Variants in USP54 observed in about 807,000 individuals in gnomAD.
USP54 encodes ubiquitin carboxyl-terminal hydrolase 54.
Under a neutral mutation model 170.5 loss-of-function variants are expected in USP54, and 87 were observed. The ratio of observed to expected loss-of-function variants is 0.51; its 90% CI spans 0.43 to 0.61. The LOEUF (loss-of-function observed/expected upper bound fraction) is 0.61. Among genes scored for constraint, USP54 ranks in the 20% least tolerant of loss-of-function variants. The probability of loss-of-function intolerance (pLI) is 0.00; values close to 1 mark genes in which losing one functional copy is unlikely to be tolerated. For missense variants in USP54, 1,786 were observed against 2,047.8 expected, an observed-to-expected ratio of 0.87 and a Z score of 2.47; for synonymous variants, 655 against 742.8, an observed-to-expected ratio of 0.88 and a Z score of 1.92.
chr10:73,602,112 T>A (rs1487921439), intron 1 of USP54, among the ~76,000 whole-genome samples: 1 of 152,234 alleles, frequency 6.6e-6, no homozygotes, highest in Non-Finnish European at 1.5e-5. Context: ...ATGTACTGTA[T>A]GTATTTAGAG....
rs372190656 is a variant in USP54, at chr10:73,507,615, A to C, written c.4052-2189T>G. On this transcript the variant is annotated intron_variant, in intron 20 of 23. Coordinates refer to ENST00000687698, the MANE Select transcript of USP54 (RefSeq NM_001391956.1). ...CTTGAACCCGGGAGGCAGAGGCTGC[A>C]GTGAGTCAACATCACGCCACTGAAC... Among the ~76,000 whole-genome samples the C allele has an allele frequency of 8.4e-5, 12 of 142,736 alleles. No individual in the cohort carries two copies. The East Asian group carries it at 2.6e-3, about 31-fold the overall frequency. 93.6% of individuals were successfully genotyped at this position (142,736 alleles called of 152,430 possible). A position where few individuals can be genotyped will look rare whatever the true frequency, so the allele number is the denominator to read the frequency against.
At chr10:73,599,091 A>C (rs1271326879) in intron 1 of USP54, among the ~76,000 whole-genome samples, 3 of 152,218 alleles carry the variant, frequency 2.0e-5, no homozygotes, top group Non-Finnish European at 4.4e-5. Flanking sequence ...AAAAAATAAA[A>C]TAACCCATGC....
intron 20 of USP54, chr10:73,506,215 C>T (rs917644896): frequency 9.2e-5 from 14 of 152,200 alleles, no homozygotes; most frequent in African/African-American, 3.4e-4. Flanking sequence ...ATTTTCAGTA[C>T]AGTACTCTTA....
In USP54 at chr10:73,539,578, T is replaced by C. The variant is rs1394292902; in HGVS notation, c.841A>G (p.Thr281Ala). The change falls in exon 10 of 24, where the codon ACG becomes GCG. Residue 281 changes from threonine (T) to alanine (A), a missense_variant. Physicochemically the swap from Thr to Ala is moderately conservative, Grantham distance 58. Transcript: ENST00000687698. ...TCAGATTGCTTGGCCCGGTCATCCG[T>C]CACTCTGAAAAACAGCTGAGGGGAA... ...LKLGDLFFRV[T>A]DDRAKQSELY... 2 of 1,600,208 alleles carry C rather than the reference T, an allele frequency of 1.2e-6. No individual in the cohort carries two copies.
chr10:73,607,674 C>T (rs867943707), intron 1 of USP54, among the ~76,000 whole-genome samples: 10 of 151,346 alleles, frequency 6.6e-5, no homozygotes, highest in African/African-American at 1.9e-4. Context: ...CTACTAAAAA[C>T]GCAAAAAATT....
intron 23 of USP54, 85 bp from the exon 24 acceptor site, chr10:73,499,273 CA>C (rs1460715489): frequency 2.3e-6 from 3 of 1,293,992 alleles, no homozygotes; most frequent in Non-Finnish European, 3.2e-6. Context: ...CTGTGTAGCC[CA>C]ATTCCCTACT....
At chr10:73,512,036 G>A (rs572732456) in intron 20 of USP54, among the ~76,000 whole-genome samples, 3 of 152,078 alleles carry the variant, frequency 2.0e-5, no homozygotes, top group East Asian at 1.9e-4. Context: ...GTGAGCCACC[G>A]CACCTGGCCA....
At chr10:73,584,717 A>G (rs1265510848) in intron 1 of USP54, among the ~76,000 whole-genome samples, 1 of 152,222 alleles carries the variant, frequency 6.6e-6, no homozygotes, top group Non-Finnish European at 1.5e-5. Flanking sequence ...ATAGGGGTTT[A>G]AACACATTTT....
At chr10:73,514,009 G>T (rs573687552) in intron 20 of USP54, among the ~76,000 whole-genome samples, 2 of 151,974 alleles carry the variant, frequency 1.3e-5, no homozygotes, top group African/African-American at 2.4e-5. Context: ...TAGAGACAGG[G>T]TCTCACCATG....
At chr10:73,505,258 T>C (rs2058905139) in intron 21 of USP54, 50 bp downstream of exon 21, 4 of 1,549,150 alleles carry the variant, frequency 2.6e-6, no homozygotes, top group Non-Finnish European at 3.5e-6. Flanking sequence ...CATAATTCCT[T>C]CCCCAACACA....
intron 13 of USP54, 39 bp downstream of exon 13, chr10:73,530,665 T>C (rs939509819): frequency 1.9e-6 from 3 of 1,608,672 alleles, no homozygotes; most frequent in Admixed American, 1.7e-5. Context: ...TTTGATAGAG[T>C]GAATGAAGGA....
chr10:73,506,712 G>C (rs1478917057), intron 20 of USP54: 2 of 152,086 alleles, frequency 1.3e-5, no homozygotes, highest in African/African-American at 4.8e-5. Context: ...CAGAAGGTTT[G>C]TGGTTGGTGC....
At chr10:73,519,624 G>A in intron 19 of USP54, 173 bp downstream of exon 19, 1 of 966,308 alleles carries the variant, frequency 1.0e-6, no homozygotes, top group East Asian at 2.7e-5. Context: ...TTAAGATAAG[G>A]ACCAGCAGTA....
At position 73,523,723 on chromosome 10, in the gene USP54, A is replaced by C. The variant is rs1190303678; in HGVS notation, c.2222T>G (p.Leu741Arg). The C allele has an allele frequency of 6.2e-7, 1 of 1,613,640 alleles. No individual in the cohort carries two copies. The highest frequency in any genetic ancestry group is 2.2e-5 in the East Asian group (1 of 44,868). The change falls in exon 17 of 24, where the codon CTG (leucine) becomes CGG (arginine). Residue 741 changes from leucine (L) to arginine (R), a missense_variant. By Grantham distance (102) the Leu-to-Arg change is moderately radical. This residue lies in a region of USP54 where 1,418 missense variants were observed against 1,569.0 expected (regional missense o/e 0.90). Transcript: ENST00000687698. The stretch of plus-strand genomic sequence containing the variant: ...GGCCACCTCTTCCTGCAATTCATCC[A>C]GTTCACTTTTAGAAGATATCTCCTC... The part of the protein sequence containing the change: ...SGEEISSKSE[L>R]DELQEEVARR...
In USP54 at chr10:73,526,644, T is replaced by C. The variant is rs1170966710; in HGVS notation, c.2194+3A>G. The C allele has an allele frequency of 6.2e-7, 1 of 1,613,824 alleles. No homozygotes were observed. The highest frequency in any genetic ancestry group is 8.5e-7 in the Non-Finnish European group (1 of 1,179,902). ...TCCTCAAATTCAGTGTCATTCTGCT[T>C]ACCAGAGAAAGGCTGACTCTTTGTC... On this transcript the variant is annotated splice_donor_region_variant and intron_variant, in intron 16 of 23. Coordinates refer to ENST00000687698, the MANE Select transcript of USP54 (RefSeq NM_001391956.1).
rs1564657495 is a variant in USP54 at position 73,517,122 on chromosome 10, G to A, written c.3304C>T (p.Leu1102Phe). 5.0e-6 allele frequency: 8 copies of A among 1,614,230 alleles called. No individual in the cohort carries two copies. The highest frequency in any genetic ancestry group is 6.8e-6 in the Non-Finnish European group (8 of 1,180,050). ...ACTTTTAAAGTCAATGAAGTTTTGAGGCTTTGGCCTTGGAGGCATTGGTTA... is the reference window on the plus strand; with the variant it reads ...ACTTTTAAAGTCAATGAAGTTTTGAAGCTTTGGCCTTGGAGGCATTGGTTA... ...KTNQCLQGQS[L>F]KTSLTLKVDR... Residue 1102 changes from leucine (L) to phenylalanine (F), a missense_variant, in exon 20 of 24, where the codon CTC becomes TTC. Physicochemically the swap from Leu to Phe is conservative, Grantham distance 22. This residue lies in a region of USP54 where 1,418 missense variants were observed against 1,569.0 expected (regional missense o/e 0.90). Transcript: ENST00000687698.
intron 17 of USP54, 143 bp from the exon 18 acceptor site, chr10:73,521,170 T>A (rs766532612): frequency 2.0e-5 from 24 of 1,199,770 alleles, no homozygotes; most frequent in Non-Finnish European, 2.7e-5. Flanking sequence ...TATTAAGAAT[T>A]ATCTGAAAAC....
chr10:73,532,203 C>T (rs566855832), intron 12 of USP54, among the ~76,000 whole-genome samples: 2 of 151,318 alleles, frequency 1.3e-5, no homozygotes, highest in African/African-American at 4.9e-5. Context: ...GACGGAGTCT[C>T]GCTCTGTCAC....
At chr10:73,595,189 G>C (rs2078629780), upstream of USP54, among the ~76,000 whole-genome samples, 1 of 143,242 alleles carries the variant, frequency 7.0e-6, no homozygotes, top group Non-Finnish European at 1.5e-5. Context: ...GCCTCCCAAA[G>C]TGCTGGGATT....
Sources: gnomAD v4.1 joint callset for allele counts (sites outside exome capture counted in the v4.1 genomes callset) on GRCh38, gnomAD v4.1.1 for gene constraint, gnomAD v4.1.1 regional missense constraint, MANE v1.5 for transcripts, NCBI Gene and HGNC (gene_info 2026-07-23, HGNC 2026-07-21) for gene names.